The following GDA variants were observed in gnomAD, a reference collection of about 807,000 sequenced individuals.
GDA encodes guanine deaminase, also known as cytoplasmic PSD-95 interactor.
A neutral mutation model predicts 59.6 loss-of-function variants in GDA; 18 were observed. The observed-to-expected ratio is 0.30, with a 90% CI of 0.21 to 0.45. The LOEUF (loss-of-function observed/expected upper bound fraction) is 0.45, where lower values mean the gene tolerates loss of function less well. Among genes scored for constraint, GDA ranks in the 20% least tolerant of loss-of-function variants. GDA has a pLI of 1.00. For missense variants in GDA, 427 were observed against 552.3 expected, an observed-to-expected ratio of 0.77 and a Z score of 2.27; for synonymous variants, 201 against 201.1, an observed-to-expected ratio of 1.00 and a Z score of 0.00.
chr9:72,192,410 T>G (rs1832670806), intron 1 of GDA, among the ~76,000 whole-genome samples: 2 of 150,816 alleles, frequency 1.3e-5, no homozygotes, highest in Admixed American at 6.6e-5. Context: ...TTTTGTAGTT[T>G]TAGTAGAGAC....
At chr9:72,202,893 T>C in intron 3 of GDA, 151 bp downstream of exon 3, 2 of 465,934 alleles carry the variant, frequency 4.3e-6, no homozygotes, top group Admixed American at 3.8e-5. Context: ...GTCCAGTGAG[T>C]TTGTGACCAC....
At chr9:72,178,278 T>C (rs187408183) in intron 1 of GDA, among the ~76,000 whole-genome samples, 64 of 152,346 alleles carry the variant, frequency 4.2e-4, no homozygotes, top group East Asian at 2.9e-3. Flanking sequence ...ACCATGGTAA[T>C]TGATATTTGA....
At chr9:72,168,118 A>T (rs1829531284) in intron 1 of GDA, among the ~76,000 whole-genome samples, 1 of 152,164 alleles carries the variant, frequency 6.6e-6, no homozygotes, top group Non-Finnish European at 1.5e-5. Flanking sequence ...AAGATTGGGC[A>T]GGGTGAGGTA....
chr9:72,182,184 C>T (rs1563967618), intron 1 of GDA, among the ~76,000 whole-genome samples: 1 of 152,184 alleles, frequency 6.6e-6, no homozygotes, highest in Non-Finnish European at 1.5e-5. Flanking sequence ...AATTCTACCA[C>T]ATGATCTGTA....
intron 10 of GDA, among the ~76,000 whole-genome samples, chr9:72,235,652 G>A (rs969372049): frequency 2.7e-5 from 4 of 150,932 alleles, no homozygotes; most frequent in Non-Finnish European, 5.9e-5. Flanking sequence ...AGCCGAGATT[G>A]CACCACTGCA....
At chr9:72,239,721 T>C (rs1839404599) in intron 10 of GDA, among the ~76,000 whole-genome samples, 1 of 152,198 alleles carries the variant, frequency 6.6e-6, no homozygotes, top group Non-Finnish European at 1.5e-5. Context: ...TAGTATTTGT[T>C]TTCCTAGCTA....
intron 2 of GDA, among the ~76,000 whole-genome samples, chr9:72,200,529 C>T (rs1329432092): frequency 9.2e-5 from 14 of 152,078 alleles, no homozygotes; most frequent in Non-Finnish European, 1.5e-4. Flanking sequence ...AAGTCTTTGA[C>T]GACAATATGC....
intron 2 of GDA, among the ~76,000 whole-genome samples, chr9:72,198,470 C>G (rs1206757779): frequency 6.8e-6 from 1 of 147,266 alleles, no homozygotes; most frequent in South Asian, 2.1e-4. Flanking sequence ...ACCTGGGAGG[C>G]AGAGGTTGCA....
chr9:72,238,229 C>T (rs775634624), intron 10 of GDA, among the ~76,000 whole-genome samples: 3 of 152,194 alleles, frequency 2.0e-5, no homozygotes, highest in Non-Finnish European at 4.4e-5. Flanking sequence ...ACTCCCTTCT[C>T]TCAAAAGTCC....
intron 1 of GDA, among the ~76,000 whole-genome samples, chr9:72,137,242 C>CTTTTTT (rs143364725): frequency 2.5e-4 from 21 of 84,512 alleles, no homozygotes; most frequent in East Asian, 4.1e-4. Context: ...TTCTTTTTTT[C>CTTTTTT]TTTTTTTTTT....
Position 72,172,148 on chromosome 9 carries a change from G to A in GDA, c.123+22466G>A, listed in dbSNP as rs940633708. Among the ~76,000 whole-genome samples the A allele has an allele frequency of 3.3e-5, 5 of 152,076 alleles. 1 individual carries two copies. The South Asian group carries it at 6.2e-4, about 19-fold the overall frequency. Reference sequence around the variant, plus strand: ...TTTTCTGTTCCTGTGCCCTAGACATGCCATTGCCCCTCCCAGGAGGCAATT... The same window carrying A: ...TTTTCTGTTCCTGTGCCCTAGACATACCATTGCCCCTCCCAGGAGGCAATT... On this transcript the variant is annotated intron_variant, in intron 1 of 13. Transcript: ENST00000358399.
intron 1 of GDA, among the ~76,000 whole-genome samples, chr9:72,124,140 G>T (rs1264983317): frequency 6.6e-6 from 1 of 152,112 alleles, no homozygotes; most frequent in Admixed American, 6.6e-5. Context: ...ACATGGAAAA[G>T]AAAAGAACTT....
At chr9:72,146,826 T>TA (rs1352348343), upstream of GDA, among the ~76,000 whole-genome samples, 6 of 152,160 alleles carry the variant, frequency 3.9e-5, no homozygotes, top group Admixed American at 3.9e-4. Flanking sequence ...GGCTGAGCCA[T>TA]GCTGCCTGGC....
intron 7 of GDA, 65 bp from the exon 8 acceptor site, chr9:72,225,612 T>C: frequency 1.3e-6 from 1 of 765,868 alleles, no homozygotes; most frequent in Non-Finnish European, 2.2e-6. Flanking sequence ...CATTTTGAGG[T>C]AGGAAGTGTA....
intron 1 of GDA, among the ~76,000 whole-genome samples, chr9:72,125,318 T>TGCTC (rs374649700): frequency 2.5e-5 from 3 of 117,946 alleles, no homozygotes; most frequent in African/African-American, 5.5e-5. Context: ...TTCCTTCCTT[T>TGCTC]ACTCCCTCCC....
intron 1 of GDA, among the ~76,000 whole-genome samples, chr9:72,119,857 G>A (rs1219378976): frequency 6.6e-6 from 1 of 152,148 alleles, no homozygotes; most frequent in African/African-American, 2.4e-5. Context: ...ACCATGGGAT[G>A]TTTTTCCTCT....
chr9:72,202,757 T>G lies in GDA; in HGVS notation c.384+15T>G, dbSNP rs975141723. 1.1e-5 allele frequency: 17 copies of G among 1,585,798 alleles called. No individual in the cohort carries two copies. In the African/African-American group the frequency reaches 1.9e-4, roughly 18 times the overall value. ...CCAGAGTTGTCGTAAGTATCTTGTG[T>G]GTGAGTGTGGTATTCTGTTTGGTCA... is the stretch of plus-strand genomic sequence containing the variant. On this transcript the variant is annotated intron_variant, in intron 3 of 13. Coordinates refer to ENST00000358399, the MANE Select transcript of GDA (RefSeq NM_004293.5).
At chr9:72,211,120 G>A (rs758543985) in intron 4 of GDA, among the ~76,000 whole-genome samples, 2 of 152,118 alleles carry the variant, frequency 1.3e-5, no homozygotes, top group Non-Finnish European at 2.9e-5. Context: ...TGTGGTAATA[G>A]TTTCTTATAT....
intron 13 of GDA, among the ~76,000 whole-genome samples, chr9:72,247,637 C>T (rs1464398374): frequency 6.6e-6 from 1 of 152,168 alleles, no homozygotes; most frequent in Middle Eastern, 3.2e-3. Flanking sequence ...ATGCACATGA[C>T]TCCCTCTAGT....
Sources: gnomAD v4.1 joint callset for allele counts (sites outside exome capture counted in the v4.1 genomes callset) on GRCh38, gnomAD v4.1.1 for gene constraint, MANE v1.5 for transcripts, NCBI Gene and HGNC (gene_info 2026-07-23, HGNC 2026-07-21) for gene names.